The following DDOST variants were observed in gnomAD, a reference collection of about 807,000 sequenced individuals.
The protein encoded by DDOST is dolichyl-diphosphooligosaccharide--protein glycosyltransferase non-catalytic subunit, also known as dolichyl-diphosphooligosaccharide--protein glycosyltransferase 48 kDa subunit.
In DDOST, 25 loss-of-function variants were observed where a neutral mutation model predicts 47.6. That is an observed-to-expected ratio of 0.53 (90% CI 0.38 to 0.73). DDOST has a LOEUF of 0.73. Among genes scored for constraint, DDOST ranks in the 30% least tolerant of loss-of-function variants. The pLI, the probability that DDOST is intolerant of heterozygous loss-of-function variation, is 0.00. For missense variants in DDOST, 526 were observed against 573.9 expected (o/e 0.92, Z 0.85); for synonymous variants, 275 against 236.0 (o/e 1.17, Z -1.51).
intron 3 of DDOST, 59 bp downstream of exon 3, chr1:20,656,042 A>G (rs1392897266): frequency 7.0e-7 from 1 of 1,431,560 alleles, no homozygotes; most frequent in Non-Finnish European, 9.8e-7. Flanking sequence ...TTCTGTTTGT[A>G]ATGCTCTCCA....
At chr1:20,653,398 G>A (rs960016981) in intron 8 of DDOST, among the ~76,000 whole-genome samples, 1 of 152,150 alleles carries the variant, frequency 6.6e-6, no homozygotes, top group Admixed American at 6.6e-5. Flanking sequence ...TCCCACTGCT[G>A]CCCCCCATAG....
rs1049781574 is a variant in DDOST at position 20,653,563 on chromosome 1, T to C, written c.942+64A>G. ...CAGCAAAGAAGTGTTCAATAAGTGCTTCTGAGCTGAGCTCAGTCAGCTTGG... is the reference window on the plus strand; with the variant it reads ...CAGCAAAGAAGTGTTCAATAAGTGCCTCTGAGCTGAGCTCAGTCAGCTTGG... On this transcript the variant is annotated intron_variant, in intron 8 of 10. Transcript: ENST00000602624. The C allele has an allele frequency of 2.7e-6, 4 of 1,496,604 alleles. No homozygotes were observed. The South Asian group carries it at 5.3e-5, about 20-fold the overall frequency. 92.7% of individuals were successfully genotyped at this position (1,496,604 alleles called of 1,614,324 possible). A position where few individuals can be genotyped will look rare whatever the true frequency, so the allele number is the denominator to read the frequency against.
intron 2 of DDOST, 145 bp downstream of exon 2, chr1:20,660,736 G>A (rs1295529157): frequency 4.9e-6 from 3 of 609,964 alleles, no homozygotes; most frequent in East Asian, 2.8e-5. Flanking sequence ...GGTCAGAAAT[G>A]AGCATTTTCC....
chr1:20,652,223 C>CCAA lies in DDOST; in HGVS notation c.*153_*155dup. 3.0e-6 allele frequency: 2 copies of CCAA among 677,830 alleles called. No individual in the cohort carries two copies. The highest frequency in any genetic ancestry group is 5.9e-5 in the South Asian group (2 of 33,658). 42.0% of individuals were successfully genotyped at this position (677,830 alleles called of 1,614,324 possible). Reference sequence around the variant, plus strand: ...AAACTTCTTTTATATAAAAATTATCCCAACTCCCACCCCTTGGCTCTCAGT... The same window carrying CCAA: ...AAACTTCTTTTATATAAAAATTATCCCAACAACTCCCACCCCTTGGCTCTCAGT... On this transcript the variant is annotated 3_prime_UTR_variant, in exon 11 of 11. Transcript: ENST00000602624.
In DDOST at chr1:20,655,700, G is replaced by A; in HGVS notation, c.432C>T (p.Asn144=). Residue 144 remains asparagine (N), a synonymous_variant, in exon 4 of 11, where the codon AAC becomes AAT. Coordinates refer to ENST00000602624, the MANE Select transcript of DDOST (RefSeq NM_005216.5). Reference sequence around the variant, plus strand: ...CCTGGCCAAGGTCTGAGATGTCATAGTTGTGATGGTCAATGACAGCCGTTT... The same window carrying A: ...CCTGGCCAAGGTCTGAGATGTCATAATTGTGATGGTCAATGACAGCCGTTT... ...EEKTAVIDHH[N]YDISDLGQHT... is the part of the protein sequence containing the mutation. 3 of 1,614,116 alleles carry A rather than the reference G, an allele frequency of 1.9e-6. No individual in the cohort carries two copies. The highest frequency in any genetic ancestry group is 2.5e-6 in the Non-Finnish European group (3 of 1,179,948).
chr1:20,660,762 C>G, intron 2 of DDOST, 119 bp downstream of exon 2: 1 of 644,494 alleles, frequency 1.6e-6, no homozygotes, highest in Non-Finnish European at 2.8e-6. Flanking sequence ...TCCGTGGTAG[C>G]ACCATCCAGG....
Position 20,654,295 on chromosome 1 carries a change from C to A in DDOST, c.722G>T (p.Ser241Ile). Reference sequence around the variant, plus strand: ...GTCGCTGAAGAAGTCGAGGGAGCCGCTGAAGATGACGCGGGCATTGTTCCT... The same window carrying A: ...GTCGCTGAAGAAGTCGAGGGAGCCGATGAAGATGACGCGGGCATTGTTCCT... Reference protein sequence around the residue: ...QARNNARVIFSGSLDFFSDSF... With the variant: ...QARNNARVIFIGSLDFFSDSF... The change falls in exon 7 of 11, where the codon AGC (serine) becomes ATC (isoleucine). Residue 241 changes from serine (S) to isoleucine (I), a missense_variant. By Grantham distance (142) the Ser-to-Ile change is moderately radical. Coordinates refer to ENST00000602624, the MANE Select transcript of DDOST (RefSeq NM_005216.5). 3 of 1,553,260 alleles carry A rather than the reference C, an allele frequency of 1.9e-6. No individual in the cohort carries two copies. Among genetic ancestry groups the A allele is most frequent in the Non-Finnish European group, 2.6e-6 (3 of 1,147,734 alleles).
chr1:20,653,086 T>A, intron 8 of DDOST, 115 bp from the exon 9 acceptor site: 1 of 1,378,048 alleles, frequency 7.3e-7, no homozygotes, highest in South Asian at 1.3e-5. Context: ...TGCCCAGGAG[T>A]TCAGAAGACC....
chr1:20,654,772 C>G (rs904066441), intron 5 of DDOST, 65 bp from the exon 6 acceptor site: 1 of 1,073,058 alleles, frequency 9.3e-7, no homozygotes, highest in Admixed American at 2.0e-5. Flanking sequence ...ATGGGATCCC[C>G]GAGAGCCAGT....
At chr1:20,653,837 G>A in intron 7 of DDOST, 63 bp from the exon 8 acceptor site, 1 of 1,556,890 alleles carries the variant, frequency 6.4e-7, no homozygotes, top group Non-Finnish European at 8.8e-7. Flanking sequence ...TGCCTGATGG[G>A]CAGGACCACT....
At position 20,652,495 on chromosome 1, in the gene DDOST, C is replaced by T; in HGVS notation, c.1204G>A (p.Glu402Lys). ...SVRPLQHTQYERFIPSAYPYY... is the reference protein window; with the variant it reads ...SVRPLQHTQYKRFIPSAYPYY... Reference sequence around the variant, plus strand: ...GGGTAGGCCGAGGGGATGAAGCGCTCATACTGCGTGTGCTGGAGTGGCCGC... The same window carrying T: ...GGGTAGGCCGAGGGGATGAAGCGCTTATACTGCGTGTGCTGGAGTGGCCGC... Residue 402 changes from glutamate (E) to lysine (K), a missense_variant, in exon 11 of 11, where the codon GAG (glutamate) becomes AAG (lysine). Coordinates refer to ENST00000602624, the MANE Select transcript of DDOST (RefSeq NM_005216.5). 6.2e-7 allele frequency: 1 copy of T among 1,613,982 alleles called. No homozygotes were observed. Among genetic ancestry groups the T allele is most frequent in the Non-Finnish European group, 8.5e-7 (1 of 1,179,986 alleles).
chr1:20,652,323 C>T lies in DDOST; in HGVS notation c.*56G>A, dbSNP rs775911987. 1.8e-5 allele frequency: 27 copies of T among 1,478,180 alleles called. No homozygotes were observed. Among genetic ancestry groups the T allele is most frequent in the Middle Eastern group, 1.9e-4 (1 of 5,350 alleles). The allele number at this position is 1,478,180 out of a possible 1,614,324, so 91.6% of individuals were successfully genotyped here. On this transcript the variant is annotated 3_prime_UTR_variant, in exon 11 of 11. Coordinates refer to ENST00000602624, the MANE Select transcript of DDOST (RefSeq NM_005216.5). ...ACAAAGCAAAACAAAACCACCAATCCTAATAACCCCCCTCCTTGCCCCGTC... is the reference window on the plus strand; with the variant it reads ...ACAAAGCAAAACAAAACCACCAATCTTAATAACCCCCCTCCTTGCCCCGTC...
At position 20,653,771 on chromosome 1, in the gene DDOST, A is replaced by G. The variant is rs1170602045; in HGVS notation, c.798T>C (p.Tyr266=). Residue 266 remains tyrosine, a synonymous_variant, in exon 8 of 11, where the codon TAT becomes TAC. Transcript: ENST00000602624. ...VQKAAPGSQR[Y]SQTGNYELAV... ...CTAGTTCATAGTTGCCTGTCTGGGAATACCTGCAGGAGGGAAACAGGAGCA... is the reference window on the plus strand; with the variant it reads ...CTAGTTCATAGTTGCCTGTCTGGGAGTACCTGCAGGAGGGAAACAGGAGCA... 2 of 1,612,964 alleles carry G rather than the reference A, an allele frequency of 1.2e-6. No homozygotes were observed. The highest frequency in any genetic ancestry group is 1.7e-5 in the Admixed American group (1 of 59,920).
intron 3 of DDOST, 51 bp downstream of exon 3, chr1:20,656,050 C>G (rs771365262): frequency 6.7e-7 from 1 of 1,498,216 alleles, no homozygotes; most frequent in Middle Eastern, 1.7e-4. Context: ...GTAATGCTCT[C>G]CAACTCCCTG....
At chr1:20,655,582 A>G in intron 4 of DDOST, 48 bp from the exon 5 acceptor site, 1 of 1,595,284 alleles carries the variant, frequency 6.3e-7, no homozygotes, top group East Asian at 2.2e-5. Context: ...AGGTTCCCCA[A>G]GCCAGGGAGA....
intron 2 of DDOST, among the ~76,000 whole-genome samples, chr1:20,659,722 T>G (rs998035636): frequency 6.6e-6 from 1 of 152,096 alleles, no homozygotes; most frequent in Non-Finnish European, 1.5e-5. Flanking sequence ...AACAGAAGCC[T>G]AGGGAAAGTA....
intron 1 of DDOST, 84 bp from the exon 2 acceptor site, chr1:20,661,075 G>C (rs1481582928): frequency 3.2e-5 from 47 of 1,479,850 alleles, no homozygotes; most frequent in Non-Finnish European, 4.4e-5. Flanking sequence ...CGCACGCCAA[G>C]CGGCAGGCCA....
intron 5 of DDOST, 43 bp from the exon 6 acceptor site, chr1:20,654,750 G>C (rs1272735142): frequency 7.3e-7 from 1 of 1,371,872 alleles, no homozygotes; most frequent in East Asian, 2.5e-5. Context: ...CCCAGGAACT[G>C]AGCCCAAGGA....
rs767499385 is a variant in DDOST at position 20,655,789 on chromosome 1, C to T, written c.353-10G>A. Reference sequence around the variant, plus strand: ...TCTCGAAGAGGGTCACCTGCACAGACCGAAGAGACACCTAGCTGAGCCCTT... The same window carrying T: ...TCTCGAAGAGGGTCACCTGCACAGATCGAAGAGACACCTAGCTGAGCCCTT... On this transcript the variant is annotated splice_polypyrimidine_tract_variant and intron_variant, in intron 3 of 10. Transcript: ENST00000602624. The T allele has an allele frequency of 6.2e-7, 1 of 1,611,868 alleles. No homozygotes were observed. Among genetic ancestry groups the T allele is most frequent in the African/African-American group, 1.3e-5 (1 of 74,878 alleles).
Sources: allele counts gnomAD v4.1 joint callset (sites outside exome capture counted in the v4.1 genomes callset), GRCh38; gene constraint gnomAD v4.1.1; transcripts MANE v1.5; gene names NCBI Gene and HGNC (gene_info 2026-07-23, HGNC 2026-07-21).